The following NCOA6 variants were observed in gnomAD, a reference collection of about 807,000 sequenced individuals.
NCOA6 encodes NRC RAP250.
A neutral mutation model predicts 171.4 loss-of-function variants in NCOA6; 49 were observed. That is an observed-to-expected ratio of 0.29 (90% CI 0.23 to 0.36). NCOA6 has a LOEUF of 0.36. Among genes scored for constraint, NCOA6 ranks in the 10% least tolerant of loss-of-function variants. The pLI, the probability that NCOA6 is intolerant of heterozygous loss-of-function variation, is 1.00. For missense variants in NCOA6, 2,248 were observed against 2,554.5 expected, an observed-to-expected ratio of 0.88 and a Z score of 2.59; for synonymous variants, 910 against 927.5, an observed-to-expected ratio of 0.98 and a Z score of 0.34.
chr20:34,753,938 G>T (rs1432490650), intron 8 of NCOA6, among the ~76,000 whole-genome samples: 1 of 152,198 alleles, frequency 6.6e-6, no homozygotes, highest in African/African-American at 2.4e-5. Context: ...ATGAGAAAGG[G>T]TAAGAGGATT....
At position 34,750,379 on chromosome 20, in the gene NCOA6, G is replaced by C; in HGVS notation, c.1816C>G (p.Leu606Val). Residue 606 changes from leucine to valine, a missense_variant, in exon 9 of 15, where the codon CTC (leucine) becomes GTC (valine). Around this residue, in one of 7 missense-constraint regions of NCOA6, gnomAD observed 987 missense variants for 1,104.7 expected, o/e 0.89. Coordinates refer to ENST00000359003, the MANE Select transcript of NCOA6 (RefSeq NM_014071.5). ...AGTSGVPQVN[L>V]SNMQGQPQQG... ...TGGGGCTGGCCTTGCATGTTGCTGA[G>C]GTTCACTTGAGGAACCCCAGAAGTA... The C allele has an allele frequency of 6.2e-7, 1 of 1,614,090 alleles. No homozygotes were observed. Among genetic ancestry groups the C allele is most frequent in the South Asian group, 1.1e-5 (1 of 91,080 alleles).
At chr20:34,747,733 C>G (rs1214677208) in intron 9 of NCOA6, among the ~76,000 whole-genome samples, 2 of 152,116 alleles carry the variant, frequency 1.3e-5, no homozygotes, top group Non-Finnish European at 1.5e-5. Context: ...CCACAAAAAT[C>G]CACTTTAAAA....
At chr20:34,771,005 G>A (rs1011434756) in intron 4 of NCOA6, among the ~76,000 whole-genome samples, 6 of 152,098 alleles carry the variant, frequency 3.9e-5, no homozygotes, top group Non-Finnish European at 8.8e-5. Context: ...AATATAATAT[G>A]AGCCACATAT....
chr20:34,794,196 G>A (rs2077988061), intron 1 of NCOA6, among the ~76,000 whole-genome samples: 2 of 152,122 alleles, frequency 1.3e-5, no homozygotes, highest in South Asian at 4.1e-4. Context: ...TAAGACAGGA[G>A]GACTACTTGA....
chr20:34,736,593 A>G, intron 12 of NCOA6, 97 bp downstream of exon 12: 1 of 1,012,284 alleles, frequency 9.9e-7, no homozygotes, highest in Non-Finnish European at 1.4e-6. Flanking sequence ...AGTTCCTGTC[A>G]CTTCCTGGCA....
In NCOA6 at chr20:34,778,686, AAAG is replaced by A. The variant is rs1489474674; in HGVS notation, c.236-2241_236-2239del. Among the ~76,000 whole-genome samples the A allele has an allele frequency of 2.0e-5, 3 of 151,766 alleles. No homozygotes were observed. In the East Asian group the frequency reaches 5.9e-4, roughly 30 times the overall value. On this transcript the variant is annotated intron_variant, in intron 3 of 14. Transcript: ENST00000359003. ...TGTGATCCACCTGCCTCGGCCTCCC[AAAG>A]TGCTGGGATTGCAGGCATGAGCCAC... is the stretch of plus-strand genomic sequence containing the variant.
Position 34,757,356 on chromosome 20 carries a change from G to A in NCOA6, c.1392C>T (p.Pro464=). The A allele has an allele frequency of 6.2e-7, 1 of 1,614,158 alleles. No individual in the cohort carries two copies. The highest frequency in any genetic ancestry group is 8.5e-7 in the Non-Finnish European group (1 of 1,180,012). The change falls in exon 7 of 15, where the codon CCC becomes CCT. Residue 464 remains proline, a synonymous_variant. Transcript: ENST00000359003. ...AGCTGACAGGCTGCTGAAATCCCTGGGGAAGTGGGTTATTTTGAGGTGGCC... is the reference window on the plus strand; with the variant it reads ...AGCTGACAGGCTGCTGAAATCCCTGAGGAAGTGGGTTATTTTGAGGTGGCC... ...GPRPPQNNPL[P]QGFQQPVSSP... is the part of the protein sequence containing the mutation.
chr20:34,762,960 T>A (rs2145888844), intron 5 of NCOA6, among the ~76,000 whole-genome samples: 1 of 152,320 alleles, frequency 6.6e-6, no homozygotes, highest in East Asian at 1.9e-4. Flanking sequence ...TGGCCTCCAA[T>A]GCTGCTGTTG....
chr20:34,772,378 T>G (rs933305756), intron 4 of NCOA6, among the ~76,000 whole-genome samples: 1 of 152,200 alleles, frequency 6.6e-6, no homozygotes, highest in Admixed American at 6.5e-5. Flanking sequence ...ATACATCATT[T>G]ATACATAAAA....
At chr20:34,823,338 T>G (rs1313185456) in intron 1 of NCOA6, among the ~76,000 whole-genome samples, 1 of 151,254 alleles carries the variant, frequency 6.6e-6, no homozygotes, top group Non-Finnish European at 1.5e-5. Flanking sequence ...GGCAACATGT[T>G]GAAACCCCAA....
intron 14 of NCOA6, among the ~76,000 whole-genome samples, chr20:34,724,407 C>T (rs1299581037): frequency 6.6e-6 from 1 of 152,206 alleles, no homozygotes; most frequent in African/African-American, 2.4e-5. Flanking sequence ...CAGCTGAGTC[C>T]TCAGATCCGT....
Position 34,757,289 on chromosome 20 carries a change from G to T in NCOA6, c.1459C>A (p.Pro487Thr), listed in dbSNP as rs1371657974. The T allele has an allele frequency of 1.2e-6, 2 of 1,613,674 alleles. No homozygotes were observed. The change falls in exon 7 of 15, where the codon CCT becomes ACT. Residue 487 changes from proline (P) to threonine (T), a missense_variant. By Grantham distance (38) the Pro-to-Thr change is conservative. Around this residue, in one of 7 missense-constraint regions of NCOA6, gnomAD observed 987 missense variants for 1,104.7 expected, o/e 0.89. Coordinates refer to ENST00000359003, the MANE Select transcript of NCOA6 (RefSeq NM_014071.5). ...NPMVQQGNVP[P>T]NFMVMQQQPP... ...TGCTGCTGCATCACCATGAAGTTAG[G>T]TGGCACATTTCCCTGTTGAACCATA... is the stretch of plus-strand genomic sequence containing the variant.
chr20:34,812,947 G>T (rs2078716464), intron 1 of NCOA6, among the ~76,000 whole-genome samples: 2 of 152,144 alleles, frequency 1.3e-5, no homozygotes, highest in Admixed American at 6.5e-5. Context: ...CTATAATGAG[G>T]TCAGGAGTTG....
intron 4 of NCOA6, among the ~76,000 whole-genome samples, chr20:34,771,151 T>A (rs1568821670): frequency 1.3e-5 from 2 of 152,222 alleles, no homozygotes; most frequent in Non-Finnish European, 2.9e-5. Flanking sequence ...AGGGTCTCAC[T>A]CTGTTGCTCA....
intron 12 of NCOA6, 132 bp from the exon 13 acceptor site, chr20:34,732,727 T>C (rs2075825436): frequency 1.5e-6 from 1 of 673,984 alleles, no homozygotes; most frequent in Admixed American, 2.8e-5. Flanking sequence ...TCACCCTACA[T>C]GGTATGGAGA....
chr20:34,788,128 C>T (rs1023219798), intron 2 of NCOA6, among the ~76,000 whole-genome samples: 4 of 151,592 alleles, frequency 2.6e-5, no homozygotes, highest in Non-Finnish European at 4.4e-5. Context: ...TGGCCTCCTA[C>T]TGTACCTGGC....
chr20:34,756,912 C>A (rs574335996), intron 7 of NCOA6, among the ~76,000 whole-genome samples: 33 of 152,252 alleles, frequency 2.2e-4, no homozygotes, highest in Admixed American at 3.9e-4. Context: ...TAACAAAATG[C>A]ATTTTTCTTC....
intron 1 of NCOA6, chr20:34,821,618 C>T (rs539895131): frequency 7.3e-5 from 11 of 150,660 alleles, no homozygotes; most frequent in African/African-American, 2.4e-4. Flanking sequence ...GACGGAGTCA[C>T]GCTCTGTTGC....
intron 1 of NCOA6, chr20:34,819,902 A>T (rs933220307): frequency 6.6e-6 from 1 of 152,178 alleles, no homozygotes; most frequent in Non-Finnish European, 1.5e-5. Flanking sequence ...GCAGTGCTTA[A>T]TAAGGACCTG....
Sources: allele counts gnomAD v4.1 joint callset (sites outside exome capture counted in the v4.1 genomes callset), GRCh38; gene constraint gnomAD v4.1.1; regional missense constraint gnomAD v4.1.1; transcripts MANE v1.5; gene names NCBI Gene and HGNC (gene_info 2026-07-23, HGNC 2026-07-21).